The following PCDHGB1 variants were observed in gnomAD, a reference collection of about 807,000 sequenced individuals.
PCDHGB1 encodes protocadherin gamma subfamily B, 1, also known as protocadherin gamma-B1.
A neutral mutation model predicts 56.6 loss-of-function variants in PCDHGB1; 34 were observed. The observed-to-expected ratio is 0.60, with a 90% CI of 0.46 to 0.80. The LOEUF (loss-of-function observed/expected upper bound fraction) is 0.80. PCDHGB1 is among the 30% of genes least tolerant of loss of function. The pLI is 0.00. For missense variants in PCDHGB1, 1,278 were observed against 1,204.6 expected (o/e 1.06, Z -0.90); for synonymous variants, 561 against 505.9 (o/e 1.11, Z -1.46).
chr5:141,443,093 C>G (rs1316602934), intron 1 of PCDHGB1, among the ~76,000 whole-genome samples: 2 of 151,940 alleles, frequency 1.3e-5, no homozygotes, highest in African/African-American at 4.8e-5. Flanking sequence ...CAGTCTCCTT[C>G]TCAAGCTGAA....
chr5:141,438,591 C>CATATATATATAT (rs946798767), intron 1 of PCDHGB1, among the ~76,000 whole-genome samples: 3 of 75,560 alleles, frequency 4.0e-5, no homozygotes, highest in Non-Finnish European at 5.4e-5. Flanking sequence ...TACATACATA[C>CATATATATATAT]ATATATATAT....
chr5:141,371,349 G>T, intron 1 of PCDHGB1: 1 of 1,614,002 alleles, frequency 6.2e-7, no homozygotes, highest in Non-Finnish European at 8.5e-7. Flanking sequence ...CACAATTGGG[G>T]TGGAAGCAAA....
rs1019219811 is a variant in PCDHGB1, at chr5:141,420,399, T to G, written c.2409+67730T>G. ...AGAGTTCGCAAAATATAGGTCAAAT[T>G]TATGGTTATCATTATTAAAACAAAA... On this transcript the variant is annotated intron_variant, in intron 1 of 3. Transcript: ENST00000523390. 5.6e-6 allele frequency: 7 copies of G among 1,257,080 alleles called. No individual in the cohort carries two copies. In the Admixed American group the frequency reaches 1.8e-4, roughly 32 times the overall value. 77.9% of individuals were successfully genotyped at this position (1,257,080 alleles called of 1,614,324 possible).
Position 141,485,486 on chromosome 5 carries a change from C to T in PCDHGB1, c.2410-9321C>T, listed in dbSNP as rs2099614522. 6 of 1,614,102 alleles carry T rather than the reference C, an allele frequency of 3.7e-6. No individual in the cohort carries two copies. The highest frequency in any genetic ancestry group is 2.2e-5 in the East Asian group (1 of 44,866). The stretch of plus-strand genomic sequence containing the variant: ...TGGGCTCAGTGCCAGCTGCATCGTG[C>T]CCCTGGAGTTTGTCACCGAAGGTCC... On this transcript the variant is annotated intron_variant, in intron 1 of 3. Coordinates refer to ENST00000523390, the MANE Select transcript of PCDHGB1 (RefSeq NM_018922.3). This position sits in a 1 kb window ranked among gnomAD's most constrained non-coding sequence, Gnocchi z 5.7.
At chr5:141,357,391 AGGTTGGC>A in intron 1 of PCDHGB1, 1 of 1,614,230 alleles carries the variant, frequency 6.2e-7, no homozygotes, top group Non-Finnish European at 8.5e-7. Flanking sequence ...TGAAGGCAGC[AGGTTGGC>A]AGGTGTGCCT....
chr5:141,427,151 G>A (rs1481629222), intron 1 of PCDHGB1: 1 of 456,934 alleles, frequency 2.2e-6, no homozygotes, highest in Admixed American at 2.3e-5. Flanking sequence ...TTGGAAATAT[G>A]TTTGTGCTAG....
At chr5:141,462,280 C>T (rs927977920) in intron 1 of PCDHGB1, among the ~76,000 whole-genome samples, 15 of 152,146 alleles carry the variant, frequency 9.9e-5, no homozygotes, top group African/African-American at 3.4e-4. Context: ...TGTTTAGTCA[C>T]CAAATATGTA....
At chr5:141,465,812 T>A (rs533291720) in intron 1 of PCDHGB1, among the ~76,000 whole-genome samples, 1 of 152,082 alleles carries the variant, frequency 6.6e-6, no homozygotes, top group South Asian at 2.1e-4. Flanking sequence ...TTCAGGATCT[T>A]GATCACATTT....
At chr5:141,416,215 A>G (rs969061407) in intron 1 of PCDHGB1, 1 of 152,400 alleles carries the variant, frequency 6.6e-6, no homozygotes, top group Non-Finnish European at 1.5e-5. Flanking sequence ...ATAACAATGT[A>G]TGCTTAGATT....
intron 1 of PCDHGB1, chr5:141,478,866 C>T (rs1392885307): frequency 1.5e-6 from 2 of 1,304,352 alleles, no homozygotes; most frequent in Non-Finnish European, 2.0e-6. Flanking sequence ...TCTCAGCGAT[C>T]AGAGTTTAGC....
intron 1 of PCDHGB1, chr5:141,360,559 AT>A: frequency 1.2e-6 from 2 of 1,614,032 alleles, no homozygotes; most frequent in Non-Finnish European, 8.5e-7. Flanking sequence ...TAATTTAAAA[AT>A]TGGCGAATCC....
In PCDHGB1 at chr5:141,351,867, C is replaced by T; in HGVS notation, c.1607C>T (p.Pro536Leu). ...CTGCAGGCCAGGGACCAGGGCTCCC[C>T]CGCGCTCAGCGCCAACGTGAGCCTG... ...LTLQARDQGS[P>L]ALSANVSLRV... The change falls in exon 1 of 4, where the codon CCC (proline) becomes CTC (leucine). Residue 536 changes from proline (P) to leucine (L), a missense_variant. By Grantham distance (98) the Pro-to-Leu change is moderately conservative. Coordinates refer to ENST00000523390, the MANE Select transcript of PCDHGB1 (RefSeq NM_018922.3). 1 of 1,613,254 alleles carries T rather than the reference C, an allele frequency of 6.2e-7. No individual in the cohort carries two copies. The highest frequency in any genetic ancestry group is 8.5e-7 in the Non-Finnish European group (1 of 1,179,730).
In PCDHGB1 at chr5:141,351,781, C is replaced by T; in HGVS notation, c.1521C>T (p.Ser507=). The part of the protein sequence containing the change: ...LLSYVSVSPQ[S]GVVFAQRAFD... ...CCTACGTGTCCGTGAGCCCGCAGAGCGGGGTGGTGTTCGCGCAGCGCGCCT... is the reference window on the plus strand; with the variant it reads ...CCTACGTGTCCGTGAGCCCGCAGAGTGGGGTGGTGTTCGCGCAGCGCGCCT... Residue 507 remains serine, a synonymous_variant, in exon 1 of 4, where the codon AGC becomes AGT. Coordinates refer to ENST00000523390, the MANE Select transcript of PCDHGB1 (RefSeq NM_018922.3). 2 of 1,613,438 alleles carry T rather than the reference C, an allele frequency of 1.2e-6. No individual in the cohort carries two copies. The highest frequency in any genetic ancestry group is 1.7e-6 in the Non-Finnish European group (2 of 1,179,900).
intron 1 of PCDHGB1, chr5:141,441,824 G>A (rs1561905347): frequency 5.6e-6 from 2 of 356,750 alleles, no homozygotes; most frequent in South Asian, 4.7e-5. Flanking sequence ...GCTCTGGAGC[G>A]CAATGGCTTC....
intron 1 of PCDHGB1, chr5:141,370,178 C>T (rs1214381916): frequency 2.6e-5 from 12 of 463,756 alleles, no homozygotes; most frequent in Non-Finnish European, 4.5e-5. Context: ...CGCCGGGTGC[C>T]GCTCTTGGCT....
chr5:141,419,933 C>CTGG (rs1192896428), intron 1 of PCDHGB1: 1 of 1,613,952 alleles, frequency 6.2e-7, no homozygotes, highest in African/African-American at 1.3e-5. Context: ...GCAGTTTTAC[C>CTGG]TGGTGGTGGC....
At chr5:141,498,372 C>A (rs1008996197) in intron 2 of PCDHGB1, among the ~76,000 whole-genome samples, 3 of 151,730 alleles carry the variant, frequency 2.0e-5, no homozygotes, top group Admixed American at 1.3e-4. Flanking sequence ...GTGGTGAGGC[C>A]TCCTGGGATC....
At position 141,491,265 on chromosome 5, in the gene PCDHGB1, C is replaced by G. The variant is rs868682993; in HGVS notation, c.2410-3542C>G. ...AGGATGAGGACCCTGAGGAAATGCCCAAATCCAGTGACTTCCTCATACACC... is the reference window on the plus strand; with the variant it reads ...AGGATGAGGACCCTGAGGAAATGCCGAAATCCAGTGACTTCCTCATACACC... On this transcript the variant is annotated intron_variant, in intron 1 of 3. Transcript: ENST00000523390. The surrounding 1 kb of genome is among the most constrained non-coding windows in gnomAD (Gnocchi z 6.9). The G allele has an allele frequency of 6.2e-7, 1 of 1,614,074 alleles. No individual in the cohort carries two copies. The highest frequency in any genetic ancestry group is 8.5e-7 in the Non-Finnish European group (1 of 1,179,916).
chr5:141,370,824 G>C, intron 1 of PCDHGB1: 1 of 1,613,996 alleles, frequency 6.2e-7, no homozygotes, highest in Non-Finnish European at 8.5e-7. Flanking sequence ...GGAAATCAGC[G>C]AACTGGCTCT....
Sources: gnomAD v4.1 joint callset for allele counts (sites outside exome capture counted in the v4.1 genomes callset) on GRCh38, gnomAD v4.1.1 for gene constraint, Gnocchi (gnomAD v3.1) non-coding constraint, MANE v1.5 for transcripts, NCBI Gene and HGNC (gene_info 2026-07-23, HGNC 2026-07-21) for gene names.